Variants in PGCKA1 observed in about 807,000 individuals in gnomAD.
PGCKA1 encodes PDCD10 and GCKIII kinases-associated protein 1.
At chr4:37,547,548 A>G in the PGCKA1 span, among the ~76,000 whole-genome samples, 1 of 152,196 alleles carries the variant, frequency 6.6e-6, no homozygotes, top group Non-Finnish European at 1.5e-5. Context: ...TTTGTGTGAA[A>G]TAGACTGGCC....
the PGCKA1 span, among the ~76,000 whole-genome samples, chr4:37,490,969 T>C: frequency 6.6e-6 from 1 of 152,204 alleles, no homozygotes; most frequent in Non-Finnish European, 1.5e-5. Context: ...ATCACATAGA[T>C]TCTATTTTGA....
At chr4:37,584,715 C>T in the PGCKA1 span, among the ~76,000 whole-genome samples, 2 of 152,034 alleles carry the variant, frequency 1.3e-5, no homozygotes, top group Non-Finnish European at 2.9e-5. Context: ...TGGAGGGTGC[C>T]CCAGGGTCAA....
chr4:37,547,760 C>A, the PGCKA1 span, among the ~76,000 whole-genome samples: 2 of 152,024 alleles, frequency 1.3e-5, no homozygotes, highest in Non-Finnish European at 2.9e-5. Flanking sequence ...CAAGGAAAGA[C>A]CAGCAGGGAG....
the PGCKA1 span, among the ~76,000 whole-genome samples, chr4:37,464,152 G>C: frequency 6.6e-6 from 1 of 152,216 alleles, no homozygotes. Flanking sequence ...GAAAGAAACT[G>C]GGTGTGGGGG....
chr4:37,509,185 C>G, the PGCKA1 span, among the ~76,000 whole-genome samples: 31 of 150,124 alleles, frequency 2.1e-4, no homozygotes, highest in African/African-American at 7.4e-4. Flanking sequence ...TCTCAATGAG[C>G]TGTTGGGTAC....
the PGCKA1 span, among the ~76,000 whole-genome samples, chr4:37,499,440 G>T: frequency 8.6e-5 from 13 of 152,008 alleles, no homozygotes; most frequent in Admixed American, 5.2e-4. Flanking sequence ...TCTGGTCCTG[G>T]GCTTTTTCTC....
At chr4:37,548,732 TG>T in the PGCKA1 span, among the ~76,000 whole-genome samples, 3 of 152,238 alleles carry the variant, frequency 2.0e-5, no homozygotes, top group Non-Finnish European at 4.4e-5. Flanking sequence ...TAGCTTTCTT[TG>T]GTCTAAAAAC....
chr4:37,589,734 C>T, the PGCKA1 span, among the ~76,000 whole-genome samples: 99 of 152,244 alleles, frequency 6.5e-4, no homozygotes, highest in African/African-American at 2.3e-3. Context: ...CAGGTTCAAG[C>T]GATTCTCCTA....
At chr4:37,572,678 A>G in the PGCKA1 span, among the ~76,000 whole-genome samples, 6,681 of 152,294 alleles carry the variant, frequency 0.044, 376 homozygotes, top group African/African-American at 0.13. Context: ...GTATATCATG[A>G]AATATCTTAG....
chr4:37,517,663 G>C, the PGCKA1 span, among the ~76,000 whole-genome samples: 1 of 152,102 alleles, frequency 6.6e-6, no homozygotes, highest in African/African-American at 2.4e-5. Flanking sequence ...TGGGGTACAT[G>C]AGATGTTGTG....
At chr4:37,511,987 A>C in the PGCKA1 span, among the ~76,000 whole-genome samples, 1 of 152,198 alleles carries the variant, frequency 6.6e-6, no homozygotes, top group Non-Finnish European at 1.5e-5. Flanking sequence ...AGCTGAGTAC[A>C]GCCTGGTTTT....
At chr4:37,478,034 A>G in the PGCKA1 span, among the ~76,000 whole-genome samples, 1 of 152,098 alleles carries the variant, frequency 6.6e-6, no homozygotes, top group Non-Finnish European at 1.5e-5. Context: ...TCGTCTCTAA[A>G]TTGATCACTT....
At chr4:37,536,412 A>G in the PGCKA1 span, among the ~76,000 whole-genome samples, 2 of 152,162 alleles carry the variant, frequency 1.3e-5, no homozygotes, top group African/African-American at 4.8e-5. Context: ...TAGGCCAGGA[A>G]TCTGGGCGCA....
chr4:37,485,075 T>C, the PGCKA1 span, among the ~76,000 whole-genome samples: 2 of 152,236 alleles, frequency 1.3e-5, no homozygotes, highest in Non-Finnish European at 2.9e-5. Flanking sequence ...CCCAAAGTGA[T>C]TGGAACTTTG....
At chr4:37,578,079 A>G in the PGCKA1 span, among the ~76,000 whole-genome samples, 1 of 152,324 alleles carries the variant, frequency 6.6e-6, no homozygotes, top group East Asian at 1.9e-4. Context: ...TCTACAGTAC[A>G]GTTAAGTGCA....
At chr4:37,499,614 G>A in the PGCKA1 span, among the ~76,000 whole-genome samples, 1 of 151,816 alleles carries the variant, frequency 6.6e-6, no homozygotes, top group African/African-American at 2.4e-5. Flanking sequence ...ATTCTCTGAT[G>A]GTTATTTTAT....
the PGCKA1 span, among the ~76,000 whole-genome samples, chr4:37,568,014 T>C: frequency 5.3e-5 from 8 of 152,148 alleles, no homozygotes; most frequent in Admixed American, 1.3e-4. Context: ...AAAAACCACA[T>C]TGAATGTGTT....
the PGCKA1 span, among the ~76,000 whole-genome samples, chr4:37,471,568 C>A: frequency 2.0e-5 from 3 of 151,968 alleles, no homozygotes; most frequent in Admixed American, 2.0e-4. Context: ...TGAACAGAAT[C>A]CCTGTAATAT....
At chr4:37,500,347 C>A in the PGCKA1 span, among the ~76,000 whole-genome samples, 2 of 152,210 alleles carry the variant, frequency 1.3e-5, no homozygotes, top group South Asian at 4.1e-4. Flanking sequence ...CAAAGAGCTT[C>A]TTGATTTCTG....
Sources: allele counts gnomAD v4.1 joint callset (sites outside exome capture counted in the v4.1 genomes callset), GRCh38; gene constraint gnomAD v4.1.1; transcripts MANE v1.5; gene names NCBI Gene and HGNC (gene_info 2026-07-23, HGNC 2026-07-21).